Variants in TRAPPC8 observed in about 807,000 individuals in gnomAD.
TRAPPC8 encodes the protein trafficking protein particle complex subunit 8.
A neutral mutation model predicts 174.3 loss-of-function variants in TRAPPC8; 54 were observed. The ratio of observed to expected loss-of-function variants is 0.31; its 90% CI spans 0.25 to 0.39. The LOEUF is 0.39. Among genes scored for constraint, TRAPPC8 ranks in the 10% least tolerant of loss-of-function variants. The pLI, the probability that TRAPPC8 is intolerant of heterozygous loss-of-function variation, is 1.00. For missense variants in TRAPPC8, 1,531 were observed against 1,699.1 expected, an observed-to-expected ratio of 0.90 and a Z score of 1.74; for synonymous variants, 630 against 579.9, an observed-to-expected ratio of 1.09 and a Z score of -1.24.
intron 26 of TRAPPC8, among the ~76,000 whole-genome samples, chr18:31,846,339 C>T (rs555387159): frequency 2.6e-5 from 4 of 152,056 alleles, no homozygotes; most frequent in Non-Finnish European, 5.9e-5. Context: ...TTTGGGAGGC[C>T]AAGGCAGGAG....
chr18:31,889,077 T>C (rs1280691197), intron 12 of TRAPPC8, among the ~76,000 whole-genome samples: 1 of 152,210 alleles, frequency 6.6e-6, no homozygotes, highest in African/African-American at 2.4e-5. Context: ...TAGATCTTAA[T>C]TTATAGTCAT....
At chr18:31,890,949 C>A (rs2035928929) in intron 11 of TRAPPC8, 83 bp from the exon 12 acceptor site, 2 of 1,331,868 alleles carry the variant, frequency 1.5e-6, no homozygotes, top group African/African-American at 3.0e-5. Context: ...CATTTAATTT[C>A]TTAATATATA....
intron 22 of TRAPPC8, 36 bp downstream of exon 22, chr18:31,853,813 T>C: frequency 6.6e-7 from 1 of 1,516,088 alleles, no homozygotes; most frequent in Non-Finnish European, 9.0e-7. Flanking sequence ...TAATGAAGTT[T>C]CAAAATTTAT....
At chr18:31,866,722 T>A in intron 18 of TRAPPC8, 127 bp downstream of exon 18, 3 of 1,037,618 alleles carry the variant, frequency 2.9e-6, no homozygotes, top group Non-Finnish European at 3.9e-6. Flanking sequence ...CATTCTTACA[T>A]CTGGCTAAAT....
chr18:31,867,537 TC>T, intron 16 of TRAPPC8, 61 bp from the exon 17 acceptor site: 1 of 1,089,478 alleles, frequency 9.2e-7, no homozygotes, highest in Non-Finnish European at 1.4e-6. Context: ...TTATTAACAC[TC>T]CTATATATCA....
At chr18:31,934,307 G>C (rs1287102063) in intron 1 of TRAPPC8, among the ~76,000 whole-genome samples, 1 of 151,988 alleles carries the variant, frequency 6.6e-6, no homozygotes, top group Non-Finnish European at 1.5e-5. Flanking sequence ...TATAACGTTT[G>C]ATTTTTTTTT....
chr18:31,864,661 T>C lies in TRAPPC8; in HGVS notation c.2711A>G (p.Asp904Gly). Residue 904 changes from aspartate to glycine, a missense_variant, in exon 19 of 29, where the codon GAT becomes GGT. Transcript: ENST00000283351. Reference protein sequence around the residue: ...SVKYGPDRRLDPIITEEMPLL... With the variant: ...SVKYGPDRRLGPIITEEMPLL... The stretch of plus-strand genomic sequence containing the variant: ...TGGCATTTCTTCTGTGATTATGGGA[T>C]CTAAACGTCGATCAGGGCCATATTT... 6.2e-7 allele frequency: 1 copy of C among 1,612,916 alleles called. No individual in the cohort carries two copies. Among genetic ancestry groups the C allele is most frequent in the Non-Finnish European group, 8.5e-7 (1 of 1,179,482 alleles).
intron 12 of TRAPPC8, among the ~76,000 whole-genome samples, chr18:31,886,607 TACTG>T (rs751073238): frequency 3.3e-5 from 5 of 152,236 alleles, no homozygotes; most frequent in East Asian, 1.9e-4. Context: ...TTTGTTTTTT[TACTG>T]ACTACTTTCA....
intron 1 of TRAPPC8, among the ~76,000 whole-genome samples, chr18:31,933,169 T>C (rs565327316): frequency 1.3e-5 from 2 of 151,468 alleles, no homozygotes; most frequent in South Asian, 4.2e-4. Flanking sequence ...GGCGTGGTGG[T>C]GGGCACCTAT....
intron 9 of TRAPPC8, among the ~76,000 whole-genome samples, chr18:31,902,005 T>C (rs936997928): frequency 6.6e-6 from 1 of 152,196 alleles, no homozygotes; most frequent in Non-Finnish European, 1.5e-5. Context: ...TTGACAGTTA[T>C]CTTTTCCCAC....
At chr18:31,917,130 G>T (rs1382912178) in intron 3 of TRAPPC8, among the ~76,000 whole-genome samples, 1 of 139,910 alleles carries the variant, frequency 7.1e-6, no homozygotes, top group African/African-American at 2.5e-5. Flanking sequence ...GTCAGTAACC[G>T]CATTAAGAAA....
At chr18:31,906,304 G>GAA (rs560619669) in intron 9 of TRAPPC8, among the ~76,000 whole-genome samples, 62 of 91,154 alleles carry the variant, frequency 6.8e-4, no homozygotes, top group South Asian at 3.0e-3. Flanking sequence ...CTGTCTCCAG[G>GAA]AAAAAAAAAA....
chr18:31,920,164 A>G (rs913252780), intron 2 of TRAPPC8, among the ~76,000 whole-genome samples: 2 of 152,280 alleles, frequency 1.3e-5, no homozygotes, highest in African/African-American at 4.8e-5. Context: ...TTTTAAAATT[A>G]TTTTTTCTAT....
intron 21 of TRAPPC8, 149 bp from the exon 22 acceptor site, chr18:31,854,094 A>C: frequency 1.5e-6 from 1 of 648,786 alleles, no homozygotes. Context: ...AACTTATTTA[A>C]ATCCCTTTCT....
intron 9 of TRAPPC8, among the ~76,000 whole-genome samples, chr18:31,903,937 A>C (rs2036552021): frequency 6.6e-6 from 1 of 151,946 alleles, no homozygotes; most frequent in African/African-American, 2.4e-5. Context: ...ATGGTGGTTA[A>C]AGGATTTAGA....
chr18:31,908,724 A>C, intron 7 of TRAPPC8, 30 bp downstream of exon 7: 1 of 1,504,376 alleles, frequency 6.6e-7, no homozygotes, highest in Non-Finnish European at 8.9e-7. Context: ...TTAAATTTTT[A>C]AAATACTAAT....
At chr18:31,847,662 G>A (rs1024454328) in intron 25 of TRAPPC8, among the ~76,000 whole-genome samples, 2 of 152,130 alleles carry the variant, frequency 1.3e-5, no homozygotes, top group Non-Finnish European at 2.9e-5. Context: ...CCTGTTCAGC[G>A]TCTATATTTG....
In TRAPPC8 at chr18:31,867,385, A is replaced by T. The variant is rs367712009; in HGVS notation, c.2463+17T>A. The T allele has an allele frequency of 6.5e-7, 1 of 1,547,480 alleles. No individual in the cohort carries two copies. The highest frequency in any genetic ancestry group is 1.4e-5 in the African/African-American group (1 of 73,330). ...CTTTCAGAAAGGCATAAAGCAGAGA[A>T]ATGATAAAATAATTACCACTTTTGA... On this transcript the variant is annotated intron_variant, in intron 17 of 28. Transcript: ENST00000283351.
At chr18:31,939,150 C>A (rs1466465193) in intron 1 of TRAPPC8, among the ~76,000 whole-genome samples, 1 of 144,718 alleles carries the variant, frequency 6.9e-6, no homozygotes, top group African/African-American at 2.5e-5. Context: ...AGTAGCTGTT[C>A]TAGGTGGTAA....
Sources: allele counts gnomAD v4.1 joint callset (sites outside exome capture counted in the v4.1 genomes callset), GRCh38; gene constraint gnomAD v4.1.1; transcripts MANE v1.5; gene names NCBI Gene and HGNC (gene_info 2026-07-23, HGNC 2026-07-21).